XIRP2: variants seen among roughly 807,000 people sequenced by gnomAD.
XIRP2 encodes the protein xin actin-binding repeat-containing protein 2.
Under a neutral mutation model 277.0 loss-of-function variants are expected in XIRP2, and 236 were observed. The observed-to-expected ratio is 0.85, with a 90% CI of 0.77 to 0.95. XIRP2 has a LOEUF of 0.95. Ranked by LOEUF, XIRP2 falls within the 40% of genes least tolerant of loss-of-function variation. The pLI, the probability that XIRP2 is intolerant of heterozygous loss-of-function variation, is 0.00. For synonymous variants in XIRP2, 1,490 were observed against 1,416.5 expected (o/e 1.05, Z -1.17); for missense variants, 4,640 against 4,157.5 (o/e 1.12, Z -3.19).
chr2:167,110,349 A>G (rs901032071), intron 2 of XIRP2, among the ~76,000 whole-genome samples: 21 of 152,148 alleles, frequency 1.4e-4, no homozygotes, highest in Non-Finnish European at 1.5e-5. Context: ...TTTTGTATGT[A>G]GTATAAGGTA....
Position 166,890,138 on chromosome 2 carries a change from G to C in XIRP2, c.-19+1581G>C, listed in dbSNP as rs532888497. On this transcript the variant is annotated intron_variant, in intron 1 of 10. Coordinates refer to ENST00000409195, the MANE Select transcript of XIRP2 (RefSeq NM_152381.6). The stretch of plus-strand genomic sequence containing the variant: ...AGCCTCCTGAGTAGCTGGTATTACA[G>C]GCACGTGCCACCATGCTGGCTATTT... 5.3e-5 allele frequency among the ~76,000 whole-genome samples: 8 copies of C among 152,026 alleles called. No homozygotes were observed. The South Asian group carries it at 1.7e-3, about 32-fold the overall frequency.
At chr2:167,082,207 G>A (rs1200544722) in intron 2 of XIRP2, among the ~76,000 whole-genome samples, 2 of 151,206 alleles carry the variant, frequency 1.3e-5, no homozygotes, top group Non-Finnish European at 2.9e-5. Context: ...TTGGTTTTTT[G>A]TTCTTGCGAT....
intron 2 of XIRP2, among the ~76,000 whole-genome samples, chr2:167,029,327 T>C (rs1020340670): frequency 1.3e-5 from 2 of 152,170 alleles, no homozygotes; most frequent in Non-Finnish European, 2.9e-5. Context: ...TTCAGTATGA[T>C]ATTGGCTGTG....
chr2:167,109,067 A>G (rs1690680692), intron 2 of XIRP2, among the ~76,000 whole-genome samples: 1 of 151,908 alleles, frequency 6.6e-6, no homozygotes, highest in African/African-American at 2.4e-5. Context: ...TTCTACTCCC[A>G]GTAGCCATGT....
Position 167,123,475 on chromosome 2 carries a change from C to T in XIRP2, c.409-12434C>T, listed in dbSNP as rs544797343. 3.3e-5 allele frequency among the ~76,000 whole-genome samples: 5 copies of T among 151,974 alleles called. 1 individual carries two copies. Among genetic ancestry groups the T allele is most frequent in the African/African-American group, 1.2e-4 (5 of 41,360 alleles). On this transcript the variant is annotated intron_variant, in intron 2 of 10. Coordinates refer to ENST00000409195, the MANE Select transcript of XIRP2 (RefSeq NM_152381.6). Reference sequence around the variant, plus strand: ...TAACAAAATGCCACAGATTGAGTAGCTTAAACCAGAGAAGAGAAAAAAACT... The same window carrying T: ...TAACAAAATGCCACAGATTGAGTAGTTTAAACCAGAGAAGAGAAAAAAACT...
At chr2:167,065,100 C>G (rs1689269485) in intron 2 of XIRP2, among the ~76,000 whole-genome samples, 1 of 151,962 alleles carries the variant, frequency 6.6e-6, no homozygotes, top group South Asian at 2.1e-4. Flanking sequence ...AGAGGCTGCA[C>G]TATTCTACAC....
At chr2:167,089,216 A>G (rs534771837) in intron 2 of XIRP2, among the ~76,000 whole-genome samples, 21 of 152,266 alleles carry the variant, frequency 1.4e-4, no homozygotes, top group African/African-American at 5.1e-4. Context: ...GAAGAAAAGC[A>G]ACTATTAGGG....
intron 2 of XIRP2, among the ~76,000 whole-genome samples, chr2:166,929,817 T>C (rs530299412): frequency 6.6e-6 from 1 of 152,316 alleles, no homozygotes; most frequent in South Asian, 2.1e-4. Context: ...CTTCGTAAGA[T>C]GACTTCATCA....
chr2:166,895,240 T>C (rs956141311), intron 1 of XIRP2, among the ~76,000 whole-genome samples: 2 of 152,174 alleles, frequency 1.3e-5, no homozygotes, highest in Admixed American at 6.6e-5. Context: ...TATTAAAATG[T>C]CCACATTGGT....
intron 3 of XIRP2, among the ~76,000 whole-genome samples, chr2:167,146,723 C>T (rs764440067): frequency 2.0e-5 from 3 of 151,892 alleles, no homozygotes; most frequent in Non-Finnish European, 4.4e-5. Context: ...TTTAAAGGAC[C>T]AGTTAGGTCC....
intron 2 of XIRP2, among the ~76,000 whole-genome samples, chr2:167,127,471 T>G (rs905815249): frequency 2.0e-5 from 3 of 152,158 alleles, no homozygotes; most frequent in African/African-American, 7.2e-5. Flanking sequence ...CTTCTGACTG[T>G]TTCTCCTCTA....
At chr2:167,226,315 C>A (rs1276995837) in intron 5 of XIRP2, among the ~76,000 whole-genome samples, 1 of 152,178 alleles carries the variant, frequency 6.6e-6, no homozygotes, top group African/African-American at 2.4e-5. Context: ...CATTTTGCAG[C>A]TGGTTTTCTC....
chr2:167,173,768 T>C (rs569989995), intron 3 of XIRP2, among the ~76,000 whole-genome samples: 1 of 152,308 alleles, frequency 6.6e-6, no homozygotes, highest in East Asian at 1.9e-4. Flanking sequence ...AGGGTTCTCT[T>C]TTCTCCACAA....
intron 2 of XIRP2, among the ~76,000 whole-genome samples, chr2:167,126,868 G>C (rs1429715061): frequency 6.6e-6 from 1 of 152,148 alleles, no homozygotes; most frequent in African/African-American, 2.4e-5. Context: ...CCATAGGGTT[G>C]AAATGAAAAT....
intron 2 of XIRP2, among the ~76,000 whole-genome samples, chr2:167,043,692 G>A (rs1461363650): frequency 6.6e-6 from 1 of 151,692 alleles, no homozygotes; most frequent in Non-Finnish European, 1.5e-5. Context: ...AAACTGAATC[G>A]TTAATGAAAG....
At chr2:167,046,916 G>A (rs549761665) in intron 2 of XIRP2, among the ~76,000 whole-genome samples, 4 of 150,360 alleles carry the variant, frequency 2.7e-5, no homozygotes, top group African/African-American at 4.9e-5. Context: ...TTTACCCCTC[G>A]AACATGAAAT....
In XIRP2 at chr2:167,135,930, T is replaced by C; in HGVS notation, c.430T>C (p.Leu144=). The change falls in exon 3 of 11, where the codon TTG becomes CTG. Residue 144 remains leucine, a synonymous_variant. Transcript: ENST00000409195. ...ACAGGAAGTGGAAATTGAGCGAAGT[T>C]TGTGCTCGCCAGCTTTTAAGAGTCA... ...GGKEVEIERS[L]CSPAFKSHPG... is the part of the protein sequence containing the mutation. 6.2e-7 allele frequency: 1 copy of C among 1,602,148 alleles called. No individual in the cohort carries two copies. The highest frequency in any genetic ancestry group is 8.5e-7 in the Non-Finnish European group (1 of 1,174,694).
chr2:167,003,730 T>C (rs1687430008), intron 2 of XIRP2, among the ~76,000 whole-genome samples: 1 of 151,958 alleles, frequency 6.6e-6, no homozygotes, highest in Non-Finnish European at 1.5e-5. Flanking sequence ...AATGGAAAGC[T>C]GCTGGAGGAT....
At chr2:167,081,499 A>C (rs1408401536) in intron 2 of XIRP2, among the ~76,000 whole-genome samples, 1 of 152,150 alleles carries the variant, frequency 6.6e-6, no homozygotes, top group Non-Finnish European at 1.5e-5. Context: ...ATAGAAAAGG[A>C]ATACATATTA....
Sources: gnomAD v4.1 joint callset for allele counts (sites outside exome capture counted in the v4.1 genomes callset) on GRCh38, gnomAD v4.1.1 for gene constraint, MANE v1.5 for transcripts, NCBI Gene and HGNC (gene_info 2026-07-23, HGNC 2026-07-21) for gene names.